Variants in AFAP1L2 observed in about 807,000 individuals in gnomAD.
The protein encoded by AFAP1L2 is actin filament associated protein 1 like 2.
In AFAP1L2, 46 loss-of-function variants were observed where a neutral mutation model predicts 99.3. The observed-to-expected ratio is 0.46, with a 90% CI of 0.37 to 0.59. The LOEUF is 0.59. Ranked by LOEUF, AFAP1L2 falls within the 20% of genes least tolerant of loss-of-function variation. The probability of loss-of-function intolerance (pLI) is 0.00; values close to 1 mark genes in which losing one functional copy is unlikely to be tolerated. For missense variants in AFAP1L2, 959 were observed against 1,034.9 expected (o/e 0.93, Z 1.01); for synonymous variants, 397 against 419.1 (o/e 0.95, Z 0.64).
chr10:114,331,787 CT>C lies in AFAP1L2; in HGVS notation c.315+15del. The C allele has an allele frequency of 7.3e-7, 1 of 1,366,578 alleles. No individual in the cohort carries two copies. Among genetic ancestry groups the C allele is most frequent in the Non-Finnish European group, 9.5e-7 (1 of 1,053,514 alleles). 84.7% of individuals were successfully genotyped at this position (1,366,578 alleles called of 1,614,324 possible). On this transcript the variant is annotated intron_variant, in intron 4 of 18. Transcript: ENST00000304129. Reference sequence around the variant, plus strand: ...GCTCACGTCAGGGAAATCAGGGGTCCTGAACTGATGCTTACCATCTTGGGTG... The same window carrying C: ...GCTCACGTCAGGGAAATCAGGGGTCCGAACTGATGCTTACCATCTTGGGTG...
downstream of AFAP1L2, among the ~76,000 whole-genome samples, chr10:114,292,507 A>G (rs1284218796): frequency 6.6e-6 from 1 of 151,056 alleles, no homozygotes; most frequent in African/African-American, 2.4e-5. Context: ...ATTTCAAGAA[A>G]TGTTGGTTAT....
intron 10 of AFAP1L2, among the ~76,000 whole-genome samples, 188 bp downstream of exon 10, chr10:114,307,617 A>T (rs927854056): frequency 6.6e-6 from 1 of 152,048 alleles, no homozygotes; most frequent in Non-Finnish European, 1.5e-5. Context: ...AGCAAGAGAG[A>T]GTTGGATCAG....
chr10:114,329,530 G>GA (rs1328435987), intron 4 of AFAP1L2, among the ~76,000 whole-genome samples: 3 of 152,198 alleles, frequency 2.0e-5, no homozygotes, highest in Admixed American at 1.3e-4. Context: ...ACCTTGGTCA[G>GA]AATCAGACGC....
chr10:114,311,757 C>T (rs1019093588), intron 7 of AFAP1L2, among the ~76,000 whole-genome samples: 5 of 152,234 alleles, frequency 3.3e-5, no homozygotes, highest in African/African-American at 1.2e-4. Context: ...AAAGCCCTGC[C>T]TTGTGCCTTC....
At chr10:114,317,976 A>C (rs1352162158) in intron 5 of AFAP1L2, among the ~76,000 whole-genome samples, 1 of 152,246 alleles carries the variant, frequency 6.6e-6, no homozygotes, top group Non-Finnish European at 1.5e-5. Context: ...CCACTTAGTC[A>C]TGTCCATGCA....
chr10:114,289,487 G>T, the AFAP1L2 span: 1 of 1,614,128 alleles, frequency 6.2e-7, no homozygotes, highest in Non-Finnish European at 8.5e-7. Flanking sequence ...TGGCTGTGTG[G>T]AGGTGAGTGG....
the AFAP1L2 span, among the ~76,000 whole-genome samples, chr10:114,286,913 C>T: frequency 1.3e-5 from 2 of 152,212 alleles, no homozygotes; most frequent in African/African-American, 4.8e-5. Flanking sequence ...AAGTGTGTTC[C>T]TGGTGCACAC....
chr10:114,315,877 G>T, intron 5 of AFAP1L2, 112 bp from the exon 6 acceptor site: 2 of 1,057,190 alleles, frequency 1.9e-6, no homozygotes, highest in Non-Finnish European at 2.7e-6. Flanking sequence ...CACAGCCCCC[G>T]ACTCTCCCTG....
chr10:114,285,563 C>T, the AFAP1L2 span, among the ~76,000 whole-genome samples: 1 of 152,184 alleles, frequency 6.6e-6, no homozygotes, highest in Non-Finnish European at 1.5e-5. Flanking sequence ...TCAATTCTAG[C>T]GTGGCTATAG....
At chr10:114,368,823 CTAAA>C (rs1329225161) in intron 1 of AFAP1L2, among the ~76,000 whole-genome samples, 11 of 146,438 alleles carry the variant, frequency 7.5e-5, no homozygotes, top group African/African-American at 2.5e-4. Context: ...CACAGAGTAA[CTAAA>C]TGAGATGATG....
intron 1 of AFAP1L2, among the ~76,000 whole-genome samples, chr10:114,394,712 G>A (rs2057509406): frequency 6.6e-6 from 1 of 152,156 alleles, no homozygotes; most frequent in Non-Finnish European, 1.5e-5. Context: ...GCGTCCTGAA[G>A]CACCCACAAC....
At chr10:114,376,127 A>C (rs1289451145) in intron 1 of AFAP1L2, among the ~76,000 whole-genome samples, 1 of 152,194 alleles carries the variant, frequency 6.6e-6, no homozygotes, top group Non-Finnish European at 1.5e-5. Context: ...TACCTCTGCC[A>C]AAAAGCCACC....
rs202008983 is a variant in AFAP1L2, at chr10:114,371,861, G to T, written c.17-31130C>A. Among the ~76,000 whole-genome samples, 10 of 61,836 alleles carry T rather than the reference G, an allele frequency of 1.6e-4. 2 individuals are homozygous for T. Among genetic ancestry groups the T allele is most frequent in the East Asian group, 9.2e-4 (2 of 2,180 alleles). The allele number at this position is 61,836 out of a possible 152,430, so 40.6% of individuals were successfully genotyped here. On this transcript the variant is annotated intron_variant, in intron 1 of 18. Coordinates refer to ENST00000304129, the MANE Select transcript of AFAP1L2 (RefSeq NM_001001936.3). ...ACAAGAGCAAAAGGAAGATTTTTTTGGGGGGGTGGCGGGGGAAAGTCCCTT... is the reference window on the plus strand; with the variant it reads ...ACAAGAGCAAAAGGAAGATTTTTTTTGGGGGGTGGCGGGGGAAAGTCCCTT...
intron 1 of AFAP1L2, among the ~76,000 whole-genome samples, chr10:114,368,907 T>C (rs1314528670): frequency 3.9e-5 from 6 of 152,132 alleles, no homozygotes; most frequent in Non-Finnish European, 5.9e-5. Flanking sequence ...TCACACTGTA[T>C]ACCTTAAATG....
At chr10:114,361,834 T>G (rs1472265154) in intron 1 of AFAP1L2, among the ~76,000 whole-genome samples, 1 of 152,212 alleles carries the variant, frequency 6.6e-6, no homozygotes, top group East Asian at 1.9e-4. Context: ...TGTCTCAGTA[T>G]AGGTTATCCT....
At chr10:114,307,753 G>T (rs1205993740) in intron 10 of AFAP1L2, 52 bp downstream of exon 10, 1 of 1,516,442 alleles carries the variant, frequency 6.6e-7, no homozygotes, top group Non-Finnish European at 9.2e-7. Context: ...CTTCCTGCAG[G>T]TTCCAGCCCA....
intron 1 of AFAP1L2, among the ~76,000 whole-genome samples, chr10:114,368,762 C>T (rs1465418309): frequency 1.5e-5 from 2 of 129,748 alleles, no homozygotes; most frequent in African/African-American, 2.9e-5. Flanking sequence ...CTTAAGTGTC[C>T]TTACAACACA....
chr10:114,323,147 C>T, intron 5 of AFAP1L2, 24 bp downstream of exon 5: 3 of 1,567,132 alleles, frequency 1.9e-6, no homozygotes, highest in Non-Finnish European at 2.6e-6. Flanking sequence ...GTCACCCTCC[C>T]AAGCCCCAGC....
rs528900039 is a variant in AFAP1L2, at chr10:114,404,460, G to C, written c.-5C>G. The stretch of plus-strand genomic sequence containing the variant: ...CTCACCTTTGTACCGCTCCATCGGG[G>C]CCACGGAGTGCGCTCCTCGCGGCTC... On this transcript the variant is annotated 5_prime_UTR_variant, in exon 1 of 19. Coordinates refer to ENST00000304129, the MANE Select transcript of AFAP1L2 (RefSeq NM_001001936.3). 2.6e-6 allele frequency: 4 copies of C among 1,539,622 alleles called. No individual in the cohort carries two copies. In the South Asian group the frequency reaches 3.6e-5, roughly 14 times the overall value.
Sources: gnomAD v4.1 joint callset for allele counts (sites outside exome capture counted in the v4.1 genomes callset) on GRCh38, gnomAD v4.1.1 for gene constraint, MANE v1.5 for transcripts, NCBI Gene and HGNC (gene_info 2026-07-23, HGNC 2026-07-21) for gene names.